PKD1: variants seen among roughly 807,000 people sequenced by gnomAD.
PKD1 encodes the protein polycystin-1.
In PKD1, 81 loss-of-function variants were observed where a neutral mutation model predicts 361.7. The ratio of observed to expected loss-of-function variants is 0.22; its 90% CI spans 0.19 to 0.27. The LOEUF is 0.27. Among genes scored for constraint, PKD1 ranks in the 10% least tolerant of loss-of-function variants. The pLI is 1.00. For missense variants in PKD1, 6,399 were observed against 6,118.3 expected (o/e 1.05, Z -1.53); for synonymous variants, 3,615 against 2,818.3 (o/e 1.28, Z -8.95).
Position 2,106,094 on chromosome 16 carries a change from T to A in PKD1, c.7700A>T (p.Asn2567Ile). Residue 2567 changes from asparagine (N) to isoleucine (I), a missense_variant, in exon 19 of 46, where the codon AAC (asparagine) becomes ATC (isoleucine). Physicochemically the swap from Asn to Ile is moderately radical, Grantham distance 149. Transcript: ENST00000262304. This position sits in a 1 kb window ranked among gnomAD's most constrained non-coding sequence, Gnocchi z 6.5. The stretch of plus-strand genomic sequence containing the variant: ...GCCCTCCCACGGCCTGGCTCACCTG[T>A]TGAGGGCGACCACAGCGGCTCCCAG... Reference protein sequence around the residue: ...DQLGAAVVALNRSLAITLPEP... With the variant: ...DQLGAAVVALIRSLAITLPEP... 6.2e-7 allele frequency: 1 copy of A among 1,605,568 alleles called. No homozygotes were observed. Among genetic ancestry groups the A allele is most frequent in the Non-Finnish European group, 8.5e-7 (1 of 1,176,334 alleles).
rs1472143008 is a variant in PKD1, at chr16:2,104,634, G to A, written c.8025C>T (p.Ser2675=). The change falls in exon 22 of 46, where the codon AGC becomes AGT. Residue 2675 remains serine (S), a synonymous_variant. Coordinates refer to ENST00000262304, the MANE Select transcript of PKD1 (RefSeq NM_001009944.3). Reference sequence around the variant, plus strand: ...GGCACGAGCGGCATACGAGCTCCCTGCTGGGCCCCTGTGTGGAGCCAGCAG... The same window carrying A: ...GGCACGAGCGGCATACGAGCTCCCTACTGGGCCCCTGTGTGGAGCCAGCAG... ...AAALAQCMGP[S]RELVCRSCLK... 1.4e-5 allele frequency: 22 copies of A among 1,533,614 alleles called. No homozygotes were observed. In the East Asian group the frequency reaches 4.1e-4, roughly 29 times the overall value.
In PKD1 at chr16:2,089,890, C is replaced by T. The variant is rs1393316930; in HGVS notation, c.12749G>A (p.Arg4250Lys). 2 of 1,611,050 alleles carry T rather than the reference C, an allele frequency of 1.2e-6. No homozygotes were observed. The highest frequency in any genetic ancestry group is 2.2e-5 in the East Asian group (1 of 44,832). Residue 4250 changes from arginine to lysine, a missense_variant, in exon 46 of 46, where the codon AGG becomes AAG. Coordinates refer to ENST00000262304, the MANE Select transcript of PKD1 (RefSeq NM_001009944.3). ...AGATCCGGCGGGCGCCCGGCTGCTC[C>T]TGCGGCCTTGCAGGCTGTGCAGCTG... Reference protein sequence around the residue: ...EQQLHSLQGRRSSRAPAGSSR... With the variant: ...EQQLHSLQGRKSSRAPAGSSR...
rs540387350 is a variant in PKD1, at chr16:2,103,732, C to T, written c.8325G>A (p.Thr2775=). 193 of 1,610,026 alleles carry T rather than the reference C, an allele frequency of 1.2e-4. No individual in the cohort carries two copies. In the South Asian group the frequency reaches 1.5e-3, roughly 13 times the overall value. ...RSRVLNEEPL[T]LAGEEIVAQG... ...GGGCCACGATCTCCTCGCCCGCCAG[C>T]GTCAGGGGCTCCTCGTTGAGCACGC... The change falls in exon 23 of 46, where the codon ACG becomes ACA. Residue 2775 remains threonine (T), a synonymous_variant. Transcript: ENST00000262304.
intron 21 of PKD1, among the ~76,000 whole-genome samples, 195 bp from the exon 22 acceptor site, chr16:2,104,837 C>T (rs1438497745): frequency 3.8e-5 from 5 of 132,158 alleles, no homozygotes; most frequent in East Asian, 2.3e-4. Context: ...CTGGGGACCA[C>T]GTGATGCAGC....
At chr16:2,116,269 C>T (rs1194719370) in intron 8 of PKD1, 151 bp from the exon 9 acceptor site, 2 of 833,400 alleles carry the variant, frequency 2.4e-6, no homozygotes, top group Admixed American at 2.0e-5. Context: ...GAGAGGAAGA[C>T]TCCGGTGGAA....
In PKD1 at chr16:2,108,735, C is replaced by A. The variant is rs1174358794; in HGVS notation, c.6432G>T (p.Leu2144=). ...VAQATVTVQV[L]ACREPEVDVV... Reference sequence around the variant, plus strand: ...CGTCCACCTCCGGCTCCCGGCAGGCCAGCACCTGGACGGTCACCGTGGCCT... The same window carrying A: ...CGTCCACCTCCGGCTCCCGGCAGGCAAGCACCTGGACGGTCACCGTGGCCT... Residue 2144 remains leucine, a synonymous_variant, in exon 15 of 46, where the codon CTG becomes CTT. Transcript: ENST00000262304. 6.4e-6 allele frequency: 10 copies of A among 1,573,082 alleles called. No individual in the cohort carries two copies. The highest frequency in any genetic ancestry group is 1.8e-5 in the Admixed American group (1 of 55,846).
chr16:2,113,959 T>C (rs947675551), intron 11 of PKD1: 73 of 599,582 alleles, frequency 1.2e-4, no homozygotes, highest in Non-Finnish European at 2.1e-4. Flanking sequence ...GTGGAATGAG[T>C]TAGCGGAGCC....
Position 2,090,103 on chromosome 16 carries a change from C to T in PKD1, c.12536G>A (p.Ser4179Asn). 2 of 1,605,188 alleles carry T rather than the reference C, an allele frequency of 1.2e-6. No homozygotes were observed. Among genetic ancestry groups the T allele is most frequent in the Middle Eastern group, 1.7e-4 (1 of 6,030 alleles). The change falls in exon 46 of 46, where the codon AGC (serine) becomes AAC (asparagine). Residue 4179 changes from serine (S) to asparagine (N), a missense_variant. Ser to Asn is a conservative substitution (Grantham distance 46). Transcript: ENST00000262304. ...SKVSPDVPPP[S>N]AGSDASHPST... The stretch of plus-strand genomic sequence containing the variant: ...GGGGTGCGAGGCATCGGAGCCAGCG[C>T]TGGGTGGGGGCACATCCGGGGATAC...
chr16:2,089,379 C>G lies in PKD1; in HGVS notation c.*348G>C. 2.5e-6 allele frequency: 1 copy of G among 403,414 alleles called. No homozygotes were observed. Among genetic ancestry groups the G allele is most frequent in the African/African-American group, 2.0e-5 (1 of 49,760 alleles). The allele number at this position is 403,414 out of a possible 1,614,324, so 25.0% of individuals were successfully genotyped here. On this transcript the variant is annotated 3_prime_UTR_variant, in exon 46 of 46. Transcript: ENST00000262304. The stretch of plus-strand genomic sequence containing the variant: ...GTGGCGGCGGTGCAGGCTAACCCTC[C>G]CTGAAGCCAGCAGCCTTAGCAGTGG...
At chr16:2,094,378 G>C (rs1034424452) in intron 34 of PKD1, among the ~76,000 whole-genome samples, 168 bp from the exon 35 acceptor site, 4 of 152,204 alleles carry the variant, frequency 2.6e-5, no homozygotes, top group East Asian at 1.9e-4. Context: ...GGTGCTGGGA[G>C]CCAGGGAACC....
At chr16:2,104,340 G>A (rs1217250679) in intron 22 of PKD1, among the ~76,000 whole-genome samples, 158 bp downstream of exon 22, 1 of 83,104 alleles carries the variant, frequency 1.2e-5, no homozygotes, top group South Asian at 5.8e-4. Context: ...AGGGGGAGGA[G>A]AATGGGAATT....
At chr16:2,112,208 T>C (rs1271829105) in intron 14 of PKD1, 132 bp downstream of exon 14, 4 of 831,032 alleles carry the variant, frequency 4.8e-6, no homozygotes, top group Non-Finnish European at 7.9e-6. Context: ...AGTAGGGGCC[T>C]AAGCCATCAG....
At position 2,091,593 on chromosome 16, in the gene PKD1, G is replaced by A; in HGVS notation, c.11542C>T (p.Arg3848Cys). The A allele has an allele frequency of 1.3e-6, 2 of 1,557,034 alleles. No individual in the cohort carries two copies. The highest frequency in any genetic ancestry group is 1.2e-5 in the South Asian group (1 of 85,568). The change falls in exon 42 of 46, where the codon CGC becomes TGC. Residue 3848 changes from arginine to cysteine, a missense_variant. By Grantham distance (180) the Arg-to-Cys change is radical. Coordinates refer to ENST00000262304, the MANE Select transcript of PKD1 (RefSeq NM_001009944.3). ...QLHNWLDNRS[R>C]AVFLELTRYS... ...CGCGTGAGCTCCAGGAACACAGCGC[G>A]GCTCCTGCGCAGAGGGTGCGGGTCA...
rs376429519 is a variant in PKD1 at position 2,105,927 on chromosome 16, G to A, written c.7801C>T (p.Arg2601Trp). ...ATGACGTGCTGGGGATCGGCCTGCCGCAGCAGCCCTGGGAGCACACTAGCG... is the reference window on the plus strand; with the variant it reads ...ATGACGTGCTGGGGATCGGCCTGCCACAGCAGCCCTGGGAGCACACTAGCG... ...LTASVLPGLLRQADPQHVIEY... is the reference protein window; with the variant it reads ...LTASVLPGLLWQADPQHVIEY... Residue 2601 changes from arginine (R) to tryptophan (W), a missense_variant, in exon 20 of 46, where the codon CGG (arginine) becomes TGG (tryptophan). By Grantham distance (101) the Arg-to-Trp change is moderately radical. Transcript: ENST00000262304. 90 of 1,597,498 alleles carry A rather than the reference G, an allele frequency of 5.6e-5. No homozygotes were observed. The highest frequency in any genetic ancestry group is 3.8e-4 in the South Asian group (35 of 90,992).
At chr16:2,119,769 G>A in intron 1 of PKD1, 3 of 676,090 alleles carry the variant, frequency 4.4e-6, no homozygotes, top group Admixed American at 2.2e-5. Context: ...ACAGACTCGA[G>A]GGGCCCCCAT....
Position 2,109,231 on chromosome 16 carries a change from C to G in PKD1, c.5936G>C (p.Cys1979Ser), listed in dbSNP as rs1347670611. Residue 1979 changes from cysteine (C) to serine (S), a missense_variant, in exon 15 of 46, where the codon TGC (cysteine) becomes TCC (serine). Transcript: ENST00000262304. ...GCCCGTGGCGATGCCAGGCTCGCAG[C>G]AGTTGGGCACCTGCAGCCCACTCAC... ...EAVSGLQVPN[C>S]CEPGIATGTE... 6.3e-7 allele frequency: 1 copy of G among 1,590,042 alleles called. No homozygotes were observed. The highest frequency in any genetic ancestry group is 8.6e-7 in the Non-Finnish European group (1 of 1,167,540).
At chr16:2,113,349 C>T (rs2092569071) in intron 11 of PKD1, 57 bp from the exon 12 acceptor site, 10 of 1,579,994 alleles carry the variant, frequency 6.3e-6, no homozygotes, top group Admixed American at 1.7e-5. Flanking sequence ...CTTAGCCTGT[C>T]GCCTCCTGGA....
At chr16:2,096,406 G>A (rs2091849416) in intron 34 of PKD1, among the ~76,000 whole-genome samples, 1 of 152,270 alleles carries the variant, frequency 6.6e-6, no homozygotes, top group Non-Finnish European at 1.5e-5. Flanking sequence ...AACACGCCGT[G>A]GGTGCGCTCC....
rs1267632239 is a variant in PKD1, at chr16:2,108,810, G to T, written c.6357C>A (p.Asp2119Glu). The T allele has an allele frequency of 6.4e-7, 1 of 1,568,784 alleles. No homozygotes were observed. Among genetic ancestry groups the T allele is most frequent in the South Asian group, 1.2e-5 (1 of 85,934 alleles). Residue 2119 changes from aspartate (D) to glutamate (E), a missense_variant, in exon 15 of 46, where the codon GAC becomes GAA. Physicochemically the swap from Asp to Glu is conservative, Grantham distance 45. Coordinates refer to ENST00000262304, the MANE Select transcript of PKD1 (RefSeq NM_001009944.3). ...TGGAGGCGTTCACCTGCACGCGGTA[G>T]TCCCCAGGCCTCAGGTAGGAGTGCT... ...RAEHSYLRPG[D>E]YRVQVNASNL...
Sources: gnomAD v4.1 joint callset for allele counts (sites outside exome capture counted in the v4.1 genomes callset) on GRCh38, gnomAD v4.1.1 for gene constraint, Gnocchi (gnomAD v3.1) non-coding constraint, MANE v1.5 for transcripts, NCBI Gene and HGNC (gene_info 2026-07-23, HGNC 2026-07-21) for gene names.